The following INVS variants were observed in gnomAD, a reference collection of about 807,000 sequenced individuals.
The protein encoded by INVS is inversin.
In INVS, 86 loss-of-function variants were observed where a neutral mutation model predicts 108.8. The ratio of observed to expected loss-of-function variants is 0.79; its 90% confidence interval spans 0.66 to 0.95. The LOEUF (loss-of-function observed/expected upper bound fraction) is 0.95. INVS is among the 40% of genes least tolerant of loss of function. The probability of loss-of-function intolerance (pLI) is 0.00; values close to 1 mark genes in which losing one functional copy is unlikely to be tolerated. For synonymous variants in INVS, 455 were observed against 473.5 expected (o/e 0.96, Z 0.51); for missense variants, 1,169 against 1,297.4 (o/e 0.90, Z 1.52).
At chr9:100,244,539 A>C (rs1831982090) in intron 7 of INVS, among the ~76,000 whole-genome samples, 1 of 152,180 alleles carries the variant, frequency 6.6e-6, no homozygotes, top group Admixed American at 6.5e-5. Flanking sequence ...GAATGGTAGA[A>C]CATTATTCTT....
chr9:100,114,391 CTTTTTTTT>C (rs67549379), intron 2 of INVS, among the ~76,000 whole-genome samples: 3 of 64,860 alleles, frequency 4.6e-5, no homozygotes, highest in East Asian at 5.2e-4. Context: ...AGATTTCTTT[CTTTTTTTT>C]TTTTTTTTTT....
chr9:100,231,907 T>C (rs1831525461), intron 5 of INVS, among the ~76,000 whole-genome samples: 2 of 152,214 alleles, frequency 1.3e-5, no homozygotes, highest in Admixed American at 1.3e-4. Flanking sequence ...TTTCTGGTTC[T>C]AGATCCTTGA....
At chr9:100,300,171 C>A (rs1046564242) in intron 16 of INVS, among the ~76,000 whole-genome samples, 10 of 152,162 alleles carry the variant, frequency 6.6e-5, no homozygotes, top group Admixed American at 5.9e-4. Context: ...TCATGAGGAT[C>A]TGAATATTTT....
At chr9:100,173,064 G>A (rs1233623511) in intron 3 of INVS, among the ~76,000 whole-genome samples, 2 of 152,170 alleles carry the variant, frequency 1.3e-5, no homozygotes, top group Non-Finnish European at 2.9e-5. Flanking sequence ...GATGGCCTAA[G>A]TACTTCTCAC....
chr9:100,106,786 A>G (rs1308662804), intron 2 of INVS, among the ~76,000 whole-genome samples: 2 of 152,184 alleles, frequency 1.3e-5, no homozygotes, highest in Non-Finnish European at 2.9e-5. Flanking sequence ...TAGCCCAGTC[A>G]GCAGGAAGGA....
At chr9:100,117,055 C>G in intron 2 of INVS, 1 of 1,277,012 alleles carries the variant, frequency 7.8e-7, no homozygotes, top group Non-Finnish European at 1.1e-6. Context: ...GGATGAGGCA[C>G]ACCAGCACAG....
Position 100,174,522 on chromosome 9 carries a change from A to G in INVS, c.273+47973A>G, listed in dbSNP as rs552815349. On this transcript the variant is annotated intron_variant, in intron 3 of 16. Transcript: ENST00000262457. ...TAGGAGAGAGAGAATGGGGCAGAAAAATAATTAAGAAAATGATGGCCAAAA... is the reference window on the plus strand; with the variant it reads ...TAGGAGAGAGAGAATGGGGCAGAAAGATAATTAAGAAAATGATGGCCAAAA... Among the ~76,000 whole-genome samples, 4 of 152,322 alleles carry G rather than the reference A, an allele frequency of 2.6e-5. No individual in the cohort carries two copies. The East Asian group carries it at 7.7e-4, about 29-fold the overall frequency.
chr9:100,117,255 A>T, intron 2 of INVS: 1 of 792,568 alleles, frequency 1.3e-6, no homozygotes, highest in South Asian at 1.5e-5. Flanking sequence ...ATAGCAACAA[A>T]CGCTTTGAAC....
chr9:100,229,620 T>A, intron 4 of INVS, 40 bp from the exon 5 acceptor site: 1 of 1,590,390 alleles, frequency 6.3e-7, no homozygotes, highest in Non-Finnish European at 8.6e-7. Context: ...GGAAAGTTAG[T>A]TGTTACTGTT....
Position 100,301,818 on chromosome 9 carries a change from A to AT in INVS, c.*1146dup, listed in dbSNP as rs1434821602. On this transcript the variant is annotated 3_prime_UTR_variant, in exon 17 of 17. Coordinates refer to ENST00000262457, the MANE Select transcript of INVS (RefSeq NM_014425.5). ...TGGTTTTTAGTTTACTAATTATTAC[A>AT]TTCATCGTTTTTGTGATCACAAAAA... is the stretch of plus-strand genomic sequence containing the variant. Among the ~76,000 whole-genome samples, 1 of 152,194 alleles carries AT rather than the reference A, an allele frequency of 6.6e-6. No homozygotes were observed. The highest frequency in any genetic ancestry group is 1.5e-5 in the Non-Finnish European group (1 of 68,046).
chr9:100,152,983 T>C (rs759129712), intron 3 of INVS, among the ~76,000 whole-genome samples: 2 of 150,562 alleles, frequency 1.3e-5, no homozygotes, highest in African/African-American at 5.0e-5. Flanking sequence ...GTTATTTCAG[T>C]GTTGTACAGA....
At chr9:100,143,854 G>A (rs1367992377) in intron 3 of INVS, among the ~76,000 whole-genome samples, 1 of 152,216 alleles carries the variant, frequency 6.6e-6, no homozygotes, top group South Asian at 2.1e-4. Context: ...CTTCCATATC[G>A]ATTAAGAAGG....
At chr9:100,114,647 T>C (rs1827452701) in intron 2 of INVS, among the ~76,000 whole-genome samples, 1 of 152,078 alleles carries the variant, frequency 6.6e-6, no homozygotes, top group Non-Finnish European at 1.5e-5. Flanking sequence ...TCAAGGGATC[T>C]TCCCCCCATC....
At chr9:100,140,349 G>T (rs1054075231) in intron 3 of INVS, among the ~76,000 whole-genome samples, 1 of 152,244 alleles carries the variant, frequency 6.6e-6, no homozygotes, top group East Asian at 1.9e-4. Flanking sequence ...ACAGTCAAAG[G>T]GGGGTTGTTC....
intron 3 of INVS, among the ~76,000 whole-genome samples, chr9:100,152,037 T>C (rs1588042494): frequency 6.6e-6 from 1 of 152,220 alleles, no homozygotes; most frequent in South Asian, 2.1e-4. Context: ...AGCATCTTAT[T>C]GTATCCATAT....
intron 4 of INVS, among the ~76,000 whole-genome samples, chr9:100,228,034 A>G (rs1036087548): frequency 7.4e-6 from 1 of 134,270 alleles, no homozygotes; most frequent in Non-Finnish European, 1.5e-5. Flanking sequence ...TCTATCACCC[A>G]GGCTGGCGTG....
At chr9:100,221,854 C>T (rs901316494) in intron 3 of INVS, among the ~76,000 whole-genome samples, 1 of 151,952 alleles carries the variant, frequency 6.6e-6, no homozygotes, top group African/African-American at 2.4e-5. Flanking sequence ...TATAATTGTT[C>T]TATTTTATTA....
intron 3 of INVS, among the ~76,000 whole-genome samples, chr9:100,209,982 C>A (rs1341692153): frequency 6.6e-6 from 1 of 152,108 alleles, no homozygotes; most frequent in Non-Finnish European, 1.5e-5. Context: ...CCTCCACACA[C>A]AATGCCGTCG....
chr9:100,104,697 GT>G (rs1827117607), intron 2 of INVS, 70 bp downstream of exon 2: 2 of 995,658 alleles, frequency 2.0e-6, no homozygotes, highest in East Asian at 4.8e-5. Flanking sequence ...GTTAATGTTA[GT>G]TTTAATTTGC....
Sources: allele counts gnomAD v4.1 joint callset (sites outside exome capture counted in the v4.1 genomes callset), GRCh38; gene constraint gnomAD v4.1.1; transcripts MANE v1.5; gene names NCBI Gene and HGNC (gene_info 2026-07-23, HGNC 2026-07-21).